The following ASB5 variants were observed in gnomAD, a reference collection of about 807,000 sequenced individuals.
The protein encoded by ASB5 is ankyrin repeat and SOCS box containing 5.
A neutral mutation model predicts 42.1 loss-of-function variants in ASB5; 45 were observed. The ratio of observed to expected loss-of-function variants is 1.07; its 90% confidence interval spans 0.84 to 1.37. The LOEUF (loss-of-function observed/expected upper bound fraction) is 1.37. Among genes scored for constraint, ASB5 ranks in the 40% most tolerant of loss-of-function variants. ASB5 has a pLI of 0.00. For synonymous variants in ASB5, 147 were observed against 150.6 expected, an observed-to-expected ratio of 0.98 and a Z score of 0.18; for missense variants, 402 against 399.8, an observed-to-expected ratio of 1.01 and a Z score of -0.05.
At chr4:176,240,439 C>A (rs546971301) in intron 1 of ASB5, among the ~76,000 whole-genome samples, 1 of 152,082 alleles carries the variant, frequency 6.6e-6, no homozygotes, top group African/African-American at 2.4e-5. Context: ...GGTCACTAAT[C>A]CTCAGTGGGA....
At chr4:176,258,433 CT>C (rs1197184352) in intron 1 of ASB5, among the ~76,000 whole-genome samples, 23 of 152,152 alleles carry the variant, frequency 1.5e-4, no homozygotes, top group Non-Finnish European at 5.9e-5. Flanking sequence ...CATTTGCTGA[CT>C]TTCTTCAATA....
chr4:176,272,297 A>G (rs1754483808), upstream of ASB5, among the ~76,000 whole-genome samples: 1 of 152,230 alleles, frequency 6.6e-6, no homozygotes, highest in Non-Finnish European at 1.5e-5. Context: ...GGTTTTTGCA[A>G]CTGCTTTTAA....
intron 1 of ASB5, among the ~76,000 whole-genome samples, chr4:176,250,129 A>T (rs1170656896): frequency 6.6e-6 from 1 of 152,034 alleles, no homozygotes; most frequent in Admixed American, 6.6e-5. Flanking sequence ...CTGCAAGGCC[A>T]CAGGGAGTGT....
intron 5 of ASB5, among the ~76,000 whole-genome samples, chr4:176,219,371 T>TTGTATGATATATAAATATATA: frequency 1.3e-5 from 1 of 75,084 alleles, no homozygotes; most frequent in African/African-American, 4.2e-5. Flanking sequence ...ATATATATAT[T>TTGTATGATATATAAATATATA]TGTATGATAT....
intron 1 of ASB5, among the ~76,000 whole-genome samples, chr4:176,265,811 A>G (rs1237780879): frequency 2.0e-5 from 3 of 152,188 alleles, no homozygotes; most frequent in African/African-American, 7.2e-5. Context: ...GCTAGCTTCA[A>G]GAATAGACTA....
chr4:176,229,951 TAGAG>T (rs1387662501), intron 1 of ASB5, among the ~76,000 whole-genome samples: 1 of 151,874 alleles, frequency 6.6e-6, no homozygotes. Flanking sequence ...GAGAAGAAAA[TAGAG>T]AGCAGGAGGA....
In ASB5 at chr4:176,225,421, C is replaced by T. The variant is rs144724967; in HGVS notation, c.197-80G>A. 586 of 1,158,078 alleles carry T rather than the reference C, an allele frequency of 5.1e-4. 5 individuals are homozygous for T. The African/African-American group carries it at 8.5e-3, about 17-fold the overall frequency. 71.7% of individuals were successfully genotyped at this position (1,158,078 alleles called of 1,614,324 possible). A position where few individuals can be genotyped will look rare whatever the true frequency, so the allele number is the denominator to read the frequency against. On this transcript the variant is annotated intron_variant, in intron 1 of 6. Coordinates refer to ENST00000296525, the MANE Select transcript of ASB5 (RefSeq NM_080874.4). The stretch of plus-strand genomic sequence containing the variant: ...GAATCCCAGTAGACACAATCAATAC[C>T]AAGATCACATAAATTATTCACACTC...
rs1444851248 is a variant in ASB5 at position 176,268,907 on chromosome 4, AC to A, written c.196+5del. 1 of 1,600,554 alleles carries A rather than the reference AC, an allele frequency of 6.2e-7. No homozygotes were observed. Among genetic ancestry groups the A allele is most frequent in the Non-Finnish European group, 8.5e-7 (1 of 1,173,524 alleles). On this transcript the variant is annotated splice_donor_5th_base_variant and intron_variant, in intron 1 of 6. Transcript: ENST00000296525. ...TTGAAACAAGAGAGGATTATCATAAACATACCTTGTCCTTGGGTTACTCCAT... is the reference window on the plus strand; with the variant it reads ...TTGAAACAAGAGAGGATTATCATAAAATACCTTGTCCTTGGGTTACTCCAT...
At chr4:176,243,661 C>T (rs1370727189) in intron 1 of ASB5, among the ~76,000 whole-genome samples, 2 of 151,900 alleles carry the variant, frequency 1.3e-5, no homozygotes, top group Non-Finnish European at 2.9e-5. Flanking sequence ...CGCCACTATG[C>T]CTGGCTAATT....
chr4:176,226,682 T>G (rs1037543048), intron 1 of ASB5, among the ~76,000 whole-genome samples: 2 of 152,158 alleles, frequency 1.3e-5, no homozygotes, highest in African/African-American at 4.8e-5. Context: ...AAAAGTTCTG[T>G]TTCATGTTTT....
At chr4:176,216,634 C>G (rs13148085) in intron 6 of ASB5, among the ~76,000 whole-genome samples, 184 bp downstream of exon 6, 1 of 152,094 alleles carries the variant, frequency 6.6e-6, no homozygotes, top group Non-Finnish European at 1.5e-5. Context: ...CAGGTGTGAG[C>G]CACCACACTC....
chr4:176,249,791 C>T (rs1425072120), intron 1 of ASB5, among the ~76,000 whole-genome samples: 1 of 151,848 alleles, frequency 6.6e-6, no homozygotes, highest in Non-Finnish European at 1.5e-5. Context: ...GTTGGCCGGG[C>T]GCGGTGGCTC....
chr4:176,215,275 T>C lies in ASB5; in HGVS notation c.*325A>G, dbSNP rs932281788. 6.0e-6 allele frequency: 1 copy of C among 166,976 alleles called. No homozygotes were observed. The highest frequency in any genetic ancestry group is 1.3e-5 in the Non-Finnish European group (1 of 78,384). The allele number at this position is 166,976 out of a possible 1,614,324, so 10.3% of individuals were successfully genotyped here. On this transcript the variant is annotated 3_prime_UTR_variant, in exon 7 of 7. Coordinates refer to ENST00000296525, the MANE Select transcript of ASB5 (RefSeq NM_080874.4). The stretch of plus-strand genomic sequence containing the variant: ...AACATAGACCTTTTTAAATATAATA[T>C]GAATAACTTTACTAGGAGCTTTATT...
chr4:176,269,221 G>A lies in ASB5; in HGVS notation c.-113C>T, dbSNP rs570529281. On this transcript the variant is annotated 5_prime_UTR_variant, in exon 1 of 7. Coordinates refer to ENST00000296525, the MANE Select transcript of ASB5 (RefSeq NM_080874.4). Reference sequence around the variant, plus strand: ...TCCTGAGGAAAGAAAATATCAGCTGGTAGTGATGCCTACAGCTCAAAATAT... The same window carrying A: ...TCCTGAGGAAAGAAAATATCAGCTGATAGTGATGCCTACAGCTCAAAATAT... The A allele has an allele frequency of 3.5e-6, 3 of 860,134 alleles. No individual in the cohort carries two copies. The East Asian group carries it at 8.2e-5, about 23-fold the overall frequency. The allele number at this position is 860,134 out of a possible 1,614,324, so 53.3% of individuals were successfully genotyped here. A position where few individuals can be genotyped will look rare whatever the true frequency, so the allele number is the denominator to read the frequency against.
At chr4:176,235,604 G>A (rs1293843558) in intron 1 of ASB5, among the ~76,000 whole-genome samples, 5 of 152,026 alleles carry the variant, frequency 3.3e-5, no homozygotes, top group Non-Finnish European at 7.4e-5. Context: ...ATGTTTAGGT[G>A]GCTTTTAGTT....
chr4:176,273,854 T>C (rs1271998940), upstream of ASB5, among the ~76,000 whole-genome samples: 2 of 152,226 alleles, frequency 1.3e-5, no homozygotes, highest in Non-Finnish European at 2.9e-5. Context: ...ATTCTTGCTA[T>C]ATGCCAAGAA....
Position 176,241,413 on chromosome 4 carries a change from A to C in ASB5, c.197-16072T>G, listed in dbSNP as rs1013631932. 5.6e-5 allele frequency: 82 copies of C among 1,464,976 alleles called. No individual in the cohort carries two copies. In the African/African-American group the frequency reaches 1.0e-3, roughly 18 times the overall value. The allele number at this position is 1,464,976 out of a possible 1,614,324, so 90.7% of individuals were successfully genotyped here. A position where few individuals can be genotyped will look rare whatever the true frequency, so the allele number is the denominator to read the frequency against. On this transcript the variant is annotated intron_variant, in intron 1 of 6. Coordinates refer to ENST00000296525, the MANE Select transcript of ASB5 (RefSeq NM_080874.4). ...TATTAAGGGCTCACTAAGTAAAAAA[A>C]TAAAACCTCCTTAAATCATCACAGA...
rs890330885 is a variant in ASB5, at chr4:176,241,346, TC to T, written c.197-16006del. The T allele has an allele frequency of 1.0e-4, 83 of 813,656 alleles. No individual in the cohort carries two copies. The African/African-American group carries it at 1.4e-3, about 14-fold the overall frequency. 50.4% of individuals were successfully genotyped at this position (813,656 alleles called of 1,614,324 possible). A position where few individuals can be genotyped will look rare whatever the true frequency, so the allele number is the denominator to read the frequency against. On this transcript the variant is annotated intron_variant, in intron 1 of 6. Transcript: ENST00000296525. Reference sequence around the variant, plus strand: ...GAACGTCATTTTAAAAGTGTAAGTTTCCCATCCTTAGAAAAAAAATGAATGT... The same window carrying T: ...GAACGTCATTTTAAAAGTGTAAGTTTCCATCCTTAGAAAAAAAATGAATGT...
intron 1 of ASB5, among the ~76,000 whole-genome samples, chr4:176,233,847 C>A (rs531715869): frequency 2.6e-4 from 40 of 152,154 alleles, no homozygotes; most frequent in Non-Finnish European, 5.1e-4. Context: ...GGTAATACAA[C>A]TTAACATGTC....
Sources: gnomAD v4.1 joint callset for allele counts (sites outside exome capture counted in the v4.1 genomes callset) on GRCh38, gnomAD v4.1.1 for gene constraint, MANE v1.5 for transcripts, NCBI Gene and HGNC (gene_info 2026-07-23, HGNC 2026-07-21) for gene names.